GFY: variants seen among roughly 807,000 people sequenced by gnomAD.
The protein encoded by GFY is golgi associated olfactory signaling regulator, also known as Golgi-associated olfactory signaling regulator.
A neutral mutation model predicts 29.1 loss-of-function variants in GFY; 28 were observed. That is an observed-to-expected ratio of 0.96 (90% CI 0.71 to 1.32). The LOEUF (loss-of-function observed/expected upper bound fraction) is 1.32, where lower values mean the gene tolerates loss of function less well. Ranked by LOEUF, GFY falls within the 40% of genes most tolerant of loss-of-function variation. The pLI is 0.00. For synonymous variants in GFY, 277 were observed against 274.5 expected (o/e 1.01, Z -0.09); for missense variants, 656 against 661.9 (o/e 0.99, Z 0.10).
In GFY at chr19:49,425,417, A is replaced by T. The variant is rs1477489754; in HGVS notation, c.-94A>T. The T allele has an allele frequency of 6.6e-6, 1 of 152,106 alleles. No individual in the cohort carries two copies. The highest frequency in any genetic ancestry group is 1.5e-5 in the Non-Finnish European group (1 of 68,040). 9.4% of individuals were successfully genotyped at this position (152,106 alleles called of 1,614,324 possible). On this transcript the variant is annotated 5_prime_UTR_variant, in exon 1 of 4. Transcript: ENST00000610896. ...CCCTACCTCCCACCGCCCTGCCCAG[A>T]TCTGTTCTGCAACATTCACCGTTCT... is the stretch of plus-strand genomic sequence containing the variant.
chr19:49,428,161 C>G (rs1365054516), intron 3 of GFY, 42 bp downstream of exon 3: 2 of 1,510,900 alleles, frequency 1.3e-6, no homozygotes, highest in Non-Finnish European at 1.8e-6. Flanking sequence ...TTTCCATAAC[C>G]TGGTCTCTCC....
rs1387705568 is a variant in GFY, at chr19:49,428,075, G to A, written c.1313G>A (p.Arg438Gln). 1 of 1,535,066 alleles carries A rather than the reference G, an allele frequency of 6.5e-7. No individual in the cohort carries two copies. Among genetic ancestry groups the A allele is most frequent in the Non-Finnish European group, 8.7e-7 (1 of 1,146,016 alleles). ...CTTTACCGCCGGGCAGCTAGACAGC[G>A]GCCCTTCGCACATCACCGGCTTCCG... ...WCLYRRAARQ[R>Q]PFAHHRLPDD... The change falls in exon 3 of 4, where the codon CGG becomes CAG. Residue 438 changes from arginine (R) to glutamine (Q), a missense_variant. Transcript: ENST00000610896.
Position 49,426,329 on chromosome 19 carries a change from CA to C in GFY, c.-21-80del, listed in dbSNP as rs1417684318. Reference sequence around the variant, plus strand: ...GGACAGACGTGGTCCACCTGTGTTCCAGTGGGCGTGGCCTCCGGGAGTGGGC... The same window carrying C: ...GGACAGACGTGGTCCACCTGTGTTCCGTGGGCGTGGCCTCCGGGAGTGGGC... On this transcript the variant is annotated intron_variant, in intron 1 of 3. Coordinates refer to ENST00000610896, the MANE Select transcript of GFY (RefSeq NM_001195256.2). The C allele has an allele frequency of 8.3e-6, 12 of 1,442,354 alleles. No individual in the cohort carries two copies. The South Asian group carries it at 8.9e-5, about 11-fold the overall frequency. 89.3% of individuals were successfully genotyped at this position (1,442,354 alleles called of 1,614,324 possible).
chr19:49,428,260 C>A (rs963254490), intron 3 of GFY, 141 bp downstream of exon 3: 1 of 1,116,226 alleles, frequency 9.0e-7, no homozygotes. Context: ...CGTCCAGCCC[C>A]CTAAATGTCT....
In GFY at chr19:49,427,441, C is replaced by T; in HGVS notation, c.1011C>T (p.Asn337=). 1.3e-6 allele frequency: 2 copies of T among 1,535,760 alleles called. No individual in the cohort carries two copies. The highest frequency in any genetic ancestry group is 1.4e-5 in the African/African-American group (1 of 73,188). The change falls in exon 2 of 4, where the codon AAC becomes AAT. Residue 337 remains asparagine (N), a synonymous_variant. Coordinates refer to ENST00000610896, the MANE Select transcript of GFY (RefSeq NM_001195256.2). ...PGMVELKAPQ[N]SGPKESNVPP... ...TGGTTGAGCTGAAGGCCCCCCAGAACTCTGGCCCTAAGGAGTCCAACGTCC... is the reference window on the plus strand; with the variant it reads ...TGGTTGAGCTGAAGGCCCCCCAGAATTCTGGCCCTAAGGAGTCCAACGTCC...
chr19:49,426,241 C>T (rs1975070086), intron 1 of GFY, among the ~76,000 whole-genome samples, 169 bp from the exon 2 acceptor site: 1 of 152,232 alleles, frequency 6.6e-6, no homozygotes, highest in Admixed American at 6.5e-5. Context: ...GCCATCGCCC[C>T]ACAAGCCTCC....
intron 3 of GFY, 138 bp downstream of exon 3, chr19:49,428,257 C>G: frequency 8.8e-7 from 1 of 1,132,044 alleles, no homozygotes; most frequent in South Asian, 1.6e-5. Flanking sequence ...CAACGTCCAG[C>G]CCCCTAAATG....
upstream of GFY, among the ~76,000 whole-genome samples, chr19:49,424,864 C>A (rs1254050876): frequency 2.0e-5 from 3 of 151,470 alleles, no homozygotes; most frequent in East Asian, 3.9e-4. Context: ...AAAAGAGGGG[C>A]CTTTATACAC....
upstream of GFY, among the ~76,000 whole-genome samples, chr19:49,424,588 T>C (rs1975054270): frequency 6.8e-6 from 1 of 147,342 alleles, no homozygotes; most frequent in Non-Finnish European, 1.5e-5. Flanking sequence ...CTGTGGCTCA[T>C]GCCTGTAATC....
chr19:49,428,085 A>C lies in GFY; in HGVS notation c.1323A>C (p.Ala441=). 2.0e-6 allele frequency: 3 copies of C among 1,534,052 alleles called. No individual in the cohort carries two copies. The highest frequency in any genetic ancestry group is 1.2e-5 in the South Asian group (1 of 84,036). ...YRRAARQRPF[A]HHRLPDDGDE... is the part of the protein sequence containing the mutation. ...GGGCAGCTAGACAGCGGCCCTTCGC[A>C]CATCACCGGCTTCCGGACGACGGAG... The change falls in exon 3 of 4, where the codon GCA becomes GCC. Residue 441 remains alanine (A), a synonymous_variant. Transcript: ENST00000610896.
chr19:49,427,916 G>A (rs1250514208), intron 2 of GFY, 30 bp from the exon 3 acceptor site: 3 of 1,519,972 alleles, frequency 2.0e-6, no homozygotes, highest in East Asian at 2.5e-5. Flanking sequence ...GAGGGGGTTA[G>A]GAGCTTAGAT....
At position 49,427,330 on chromosome 19, in the gene GFY, T is replaced by C. The variant is rs946119228; in HGVS notation, c.900T>C (p.Asn300=). 7 of 1,536,220 alleles carry C rather than the reference T, an allele frequency of 4.6e-6. No homozygotes were observed. In the South Asian group the frequency reaches 7.1e-5, roughly 16 times the overall value. The change falls in exon 2 of 4, where the codon AAT becomes AAC. Residue 300 remains asparagine (N), a synonymous_variant. Transcript: ENST00000610896. Reference sequence around the variant, plus strand: ...TCAAGGATGACGCCACTGCTCTAAATGAGCTGTCCCTGAATCCCAAACCAG... The same window carrying C: ...TCAAGGATGACGCCACTGCTCTAAACGAGCTGTCCCTGAATCCCAAACCAG... The part of the protein sequence containing the change: ...VPFKDDATAL[N]ELSLNPKPGT...
In GFY at chr19:49,427,151, C is replaced by G. The variant is rs1365435543; in HGVS notation, c.721C>G (p.Pro241Ala). The change falls in exon 2 of 4, where the codon CCC becomes GCC. Residue 241 changes from proline to alanine, a missense_variant. Physicochemically the swap from Pro to Ala is conservative, Grantham distance 27 (BLOSUM62 -1). Coordinates refer to ENST00000610896, the MANE Select transcript of GFY (RefSeq NM_001195256.2). ...QALHPDPSKTPHPESHVTHNP... is the reference protein window; with the variant it reads ...QALHPDPSKTAHPESHVTHNP... ...TCTCCATCCTGACCCTTCTAAAACC[C>G]CCCACCCAGAATCCCATGTGACCCA... is the stretch of plus-strand genomic sequence containing the variant. 2 of 1,535,948 alleles carry G rather than the reference C, an allele frequency of 1.3e-6. No individual in the cohort carries two copies. Among genetic ancestry groups the G allele is most frequent in the Non-Finnish European group, 1.7e-6 (2 of 1,146,884 alleles).
chr19:49,424,341 C>G (rs1219587434), upstream of GFY, among the ~76,000 whole-genome samples: 1 of 152,202 alleles, frequency 6.6e-6, no homozygotes, highest in African/African-American at 2.4e-5. Flanking sequence ...CTCCCAGGTT[C>G]AAGCCATTGT....
chr19:49,426,322 T>G (rs1023792421), intron 1 of GFY, 88 bp from the exon 2 acceptor site: 2 of 1,440,600 alleles, frequency 1.4e-6, no homozygotes, highest in African/African-American at 1.4e-5. Flanking sequence ...GTGGTCCACC[T>G]GTGTTCCAGT....
At position 49,425,647 on chromosome 19, in the gene GFY, C is replaced by T. The variant is rs546229882; in HGVS notation, c.-22+158C>T. On this transcript the variant is annotated intron_variant, in intron 1 of 3. Coordinates refer to ENST00000610896, the MANE Select transcript of GFY (RefSeq NM_001195256.2). ...AATAACAGACTTGAGAGTCCTGCCC[C>T]AAAGCTCTCTTCTTCAAGTCCCTAC... Among the ~76,000 whole-genome samples the T allele has an allele frequency of 2.0e-5, 3 of 152,304 alleles. No homozygotes were observed. The East Asian group carries it at 5.8e-4, about 29-fold the overall frequency.
Position 49,427,260 on chromosome 19 carries a change from A to T in GFY, c.830A>T (p.Asp277Val). The T allele has an allele frequency of 6.5e-7, 1 of 1,535,658 alleles. No individual in the cohort carries two copies. Among genetic ancestry groups the T allele is most frequent in the Non-Finnish European group, 8.7e-7 (1 of 1,146,552 alleles). The change falls in exon 2 of 4, where the codon GAC becomes GTC. Residue 277 changes from aspartate (D) to valine (V), a missense_variant. Transcript: ENST00000610896. ...GCAACAGATGTACCCAGGACCTCCGACCCTCAAATCTCCACTAGTCTCTAC... is the reference window on the plus strand; with the variant it reads ...GCAACAGATGTACCCAGGACCTCCGTCCCTCAAATCTCCACTAGTCTCTAC... The part of the protein sequence containing the change: ...QNATDVPRTS[D>V]PQISTSLYPE...
intron 2 of GFY, 128 bp downstream of exon 2, chr19:49,427,741 C>G (rs1361480001): frequency 1.6e-6 from 2 of 1,238,600 alleles, no homozygotes; most frequent in Non-Finnish European, 2.2e-6. Context: ...GGGGCCTGGA[C>G]TCCTGGGTCC....
In GFY at chr19:49,426,845, C is replaced by A. The variant is rs562479431; in HGVS notation, c.415C>A (p.Pro139Thr). ...AHPESSETPT[P>T]GPTEMPHPGS... ...CCCAGAGTCTTCTGAGACCCCCACACCTGGCCCAACTGAAATGCCACACCC... is the reference window on the plus strand; with the variant it reads ...CCCAGAGTCTTCTGAGACCCCCACAACTGGCCCAACTGAAATGCCACACCC... The change falls in exon 2 of 4, where the codon CCT (proline) becomes ACT (threonine). Residue 139 changes from proline to threonine, a missense_variant. Pro to Thr is a conservative substitution (Grantham distance 38, BLOSUM62 -1). Coordinates refer to ENST00000610896, the MANE Select transcript of GFY (RefSeq NM_001195256.2). 1.1e-4 allele frequency: 172 copies of A among 1,535,942 alleles called. No homozygotes were observed. In the African/African-American group the frequency reaches 2.2e-3, roughly 20 times the overall value.
Sources: gnomAD v4.1 joint callset for allele counts (sites outside exome capture counted in the v4.1 genomes callset) on GRCh38, gnomAD v4.1.1 for gene constraint, MANE v1.5 for transcripts, NCBI Gene and HGNC (gene_info 2026-07-23, HGNC 2026-07-21) for gene names.